The following TOX variants were observed in gnomAD, a reference collection of about 807,000 sequenced individuals.
TOX encodes the protein thymocyte selection-associated high mobility group box protein TOX.
A neutral mutation model predicts 53.7 loss-of-function variants in TOX; 11 were observed. That is an observed-to-expected ratio of 0.20 (90% CI 0.13 to 0.34). The LOEUF is 0.34. Ranked by LOEUF, TOX falls within the 10% of genes least tolerant of loss-of-function variation. TOX has a pLI of 1.00. For synonymous variants in TOX, 225 were observed against 245.3 expected, an observed-to-expected ratio of 0.92 and a Z score of 0.77; for missense variants, 570 against 664.6, an observed-to-expected ratio of 0.86 and a Z score of 1.56.
chr8:58,816,025 G>T (rs537827254), intron 6 of TOX, among the ~76,000 whole-genome samples: 3 of 152,240 alleles, frequency 2.0e-5, no homozygotes, highest in African/African-American at 7.2e-5. Context: ...GTTTGTGGAG[G>T]GTGGGGGACG....
At chr8:59,110,347 G>T (rs1804991550) in intron 1 of TOX, among the ~76,000 whole-genome samples, 1 of 152,152 alleles carries the variant, frequency 6.6e-6, no homozygotes, top group East Asian at 1.9e-4. Flanking sequence ...TGGCATTTTA[G>T]GCTGAGGTGT....
intron 1 of TOX, among the ~76,000 whole-genome samples, chr8:59,077,970 T>C (rs921057490): frequency 9.9e-5 from 15 of 152,152 alleles, no homozygotes; most frequent in Middle Eastern, 3.4e-3. Flanking sequence ...ATACGTGCGC[T>C]GTTCACAGGG....
At chr8:58,951,424 G>A (rs1276368938) in intron 2 of TOX, among the ~76,000 whole-genome samples, 1 of 152,072 alleles carries the variant, frequency 6.6e-6, no homozygotes, top group Non-Finnish European at 1.5e-5. Flanking sequence ...TCCTACTACT[G>A]AAATTTATCA....
chr8:58,819,954 C>A (rs1810245818), intron 6 of TOX, among the ~76,000 whole-genome samples: 1 of 152,182 alleles, frequency 6.6e-6, no homozygotes, highest in African/African-American at 2.4e-5. Context: ...AAGGAAAATT[C>A]TTTCTGCTCC....
chr8:58,816,884 C>T (rs964304649), intron 6 of TOX, among the ~76,000 whole-genome samples: 2 of 152,078 alleles, frequency 1.3e-5, no homozygotes, highest in African/African-American at 2.4e-5. Context: ...AAACTCAGGC[C>T]GGGTAGCTTC....
intron 1 of TOX, among the ~76,000 whole-genome samples, chr8:59,016,179 C>G (rs1281324114): frequency 6.6e-6 from 1 of 152,086 alleles, no homozygotes; most frequent in Non-Finnish European, 1.5e-5. Flanking sequence ...AGGAATTATA[C>G]TGGATGCCGG....
intron 2 of TOX, 95 bp downstream of exon 2, chr8:58,959,848 C>T (rs1322072343): frequency 1.7e-5 from 21 of 1,232,484 alleles, no homozygotes; most frequent in Admixed American, 1.3e-4. Flanking sequence ...TTCCTGATTG[C>T]GGCAGTTACT....
At position 58,815,629 on chromosome 8, in the gene TOX, C is replaced by G. The variant is rs781245147; in HGVS notation, c.1101G>C (p.Ser367=). 1 of 1,614,038 alleles carries G rather than the reference C, an allele frequency of 6.2e-7. No individual in the cohort carries two copies. The highest frequency in any genetic ancestry group is 8.5e-7 in the Non-Finnish European group (1 of 1,180,014). ...SVFHGPSQAH[S]ALYLSSHYHQ... is the part of the protein sequence containing the mutation. The stretch of plus-strand genomic sequence containing the variant: ...GATAGTGGGAACTTAGGTACAGGGC[C>G]GAGTGGGCCTGGCTGGGCCCATGGA... The change falls in exon 7 of 9, where the codon TCG becomes TCC. Residue 367 remains serine, a synonymous_variant. Transcript: ENST00000361421.
intron 1 of TOX, among the ~76,000 whole-genome samples, chr8:59,097,025 A>C (rs1373588211): frequency 6.6e-6 from 1 of 152,208 alleles, no homozygotes; most frequent in Non-Finnish European, 1.5e-5. Flanking sequence ...ACTGGAGCCA[A>C]CTATAAACAA....
intron 1 of TOX, among the ~76,000 whole-genome samples, chr8:58,998,533 A>AAATT (rs58825825): frequency 0.059 from 2,392 of 40,652 alleles, 84 homozygotes; most frequent in South Asian, 0.12. Context: ...ATATATATAT[A>AAATT]TATATAAATT....
intron 3 of TOX, among the ~76,000 whole-genome samples, chr8:58,897,592 C>G (rs1354083869): frequency 6.6e-6 from 1 of 152,108 alleles, no homozygotes; most frequent in African/African-American, 2.4e-5. Flanking sequence ...ATCCTGGCAA[C>G]TGTCAGTGAT....
At chr8:59,078,279 G>A (rs1004209990) in intron 1 of TOX, among the ~76,000 whole-genome samples, 8 of 152,146 alleles carry the variant, frequency 5.3e-5, no homozygotes, top group South Asian at 2.1e-4. Flanking sequence ...GGACAGCATC[G>A]AGGCAGTTTG....
chr8:58,828,331 T>TG (rs1810397673), intron 5 of TOX, among the ~76,000 whole-genome samples: 1 of 151,956 alleles, frequency 6.6e-6, no homozygotes, highest in Non-Finnish European at 1.5e-5. Context: ...TCTCCTAAAG[T>TG]GGGGGGCTTC....
intron 1 of TOX, among the ~76,000 whole-genome samples, chr8:59,071,364 T>C (rs1157813042): frequency 6.6e-6 from 1 of 152,214 alleles, no homozygotes; most frequent in East Asian, 1.9e-4. Context: ...AAACTTCATA[T>C]GGAATGCTCT....
At chr8:58,940,500 A>G (rs1161444287) in intron 2 of TOX, among the ~76,000 whole-genome samples, 2 of 152,202 alleles carry the variant, frequency 1.3e-5, no homozygotes, top group African/African-American at 4.8e-5. Context: ...TTACCAATTA[A>G]TATTAAATAC....
At chr8:59,102,313 T>C (rs1375332728) in intron 1 of TOX, among the ~76,000 whole-genome samples, 1 of 152,068 alleles carries the variant, frequency 6.6e-6, no homozygotes, top group Non-Finnish European at 1.5e-5. Flanking sequence ...CTGCAACCTC[T>C]ACCTCCTGGG....
chr8:59,109,992 T>G (rs1372573237), intron 1 of TOX, among the ~76,000 whole-genome samples: 2 of 152,192 alleles, frequency 1.3e-5, no homozygotes, highest in East Asian at 3.8e-4. Flanking sequence ...TTCATTTCTT[T>G]AAGTAGTTCT....
chr8:58,863,946 T>A (rs879692647), intron 3 of TOX, among the ~76,000 whole-genome samples: 1 of 151,900 alleles, frequency 6.6e-6, no homozygotes, highest in African/African-American at 2.4e-5. Context: ...CTGCATTGCA[T>A]TAAAATTGCA....
At position 58,808,092 on chromosome 8, in the gene TOX, C is replaced by T. The variant is rs770559163; in HGVS notation, c.1544+26G>A. On this transcript the variant is annotated intron_variant, in intron 8 of 8. Transcript: ENST00000361421. ...TGCATGCTATGAGCGCTGTCCACCA[C>T]CAGGTGGCGATGACCGGCCGCTTAC... 52 of 1,599,706 alleles carry T rather than the reference C, an allele frequency of 3.3e-5. 1 individual carries two copies. In the Middle Eastern group the frequency reaches 1.7e-3, roughly 52 times the overall value.
Sources: allele counts gnomAD v4.1 joint callset (sites outside exome capture counted in the v4.1 genomes callset), GRCh38; gene constraint gnomAD v4.1.1; transcripts MANE v1.5; gene names NCBI Gene and HGNC (gene_info 2026-07-23, HGNC 2026-07-21).